VLDLR: variants seen among roughly 807,000 people sequenced by gnomAD.
VLDLR encodes the protein very low-density lipoprotein receptor.
A neutral mutation model predicts 112.7 loss-of-function variants in VLDLR; 81 were observed. The ratio of observed to expected loss-of-function variants is 0.72; its 90% confidence interval spans 0.60 to 0.86. The LOEUF is 0.86. Among genes scored for constraint, VLDLR ranks in the 40% least tolerant of loss-of-function variants. The probability of loss-of-function intolerance (pLI) is 0.00; values close to 1 mark genes in which losing one functional copy is unlikely to be tolerated. For missense variants in VLDLR, 1,237 were observed against 1,099.4 expected, an observed-to-expected ratio of 1.13 and a Z score of -1.77; for synonymous variants, 436 against 384.8, an observed-to-expected ratio of 1.13 and a Z score of -1.56.
intron 1 of VLDLR, among the ~76,000 whole-genome samples, chr9:2,623,143 C>T: frequency 6.6e-6 from 1 of 152,314 alleles, no homozygotes; most frequent in South Asian, 2.1e-4. Context: ...CTCAAAGGAG[C>T]AGCGCGAGAG....
chr9:2,640,345 T>C (rs936633463), intron 3 of VLDLR, among the ~76,000 whole-genome samples: 1 of 152,156 alleles, frequency 6.6e-6, no homozygotes, highest in African/African-American at 2.4e-5. Flanking sequence ...GGGTTCCCTA[T>C]GGGCCAAGCA....
At chr9:2,635,078 C>G (rs926286237) in intron 1 of VLDLR, among the ~76,000 whole-genome samples, 5 of 152,118 alleles carry the variant, frequency 3.3e-5, no homozygotes, top group African/African-American at 1.2e-4. Flanking sequence ...GATCACTATT[C>G]CAGCCACCAT....
intron 2 of VLDLR, 31 bp from the exon 3 acceptor site, chr9:2,639,828 C>G: frequency 6.2e-7 from 1 of 1,614,030 alleles, no homozygotes; most frequent in Non-Finnish European, 8.5e-7. Context: ...TAAATGACTT[C>G]AACTTTAACC....
chr9:2,651,648 T>C, intron 16 of VLDLR, 150 bp downstream of exon 16: 1 of 902,844 alleles, frequency 1.1e-6, no homozygotes, highest in Non-Finnish European at 1.7e-6. Flanking sequence ...AACTTGCATA[T>C]CTTTTCCTGA....
chr9:2,632,630 C>T (rs1228407696), intron 1 of VLDLR, among the ~76,000 whole-genome samples: 7 of 152,182 alleles, frequency 4.6e-5, no homozygotes, highest in African/African-American at 1.7e-4. Flanking sequence ...TTTCAGTTCT[C>T]CTAGAGCTCT....
In VLDLR at chr9:2,652,902, A is replaced by G. The variant is rs1405874445; in HGVS notation, c.2539A>G (p.Ile847Val). 1.4e-5 allele frequency: 23 copies of G among 1,614,012 alleles called. No homozygotes were observed. The South Asian group carries it at 1.9e-4, about 13-fold the overall frequency. ...YLKTTEEDLS[I>V]DIGRHSASVG... Reference sequence around the variant, plus strand: ...GAAAACCACTGAAGAGGACCTCTCCATAGACATTGGTAGACACAGTGCTTC... The same window carrying G: ...GAAAACCACTGAAGAGGACCTCTCCGTAGACATTGGTAGACACAGTGCTTC... The change falls in exon 18 of 19, where the codon ATA (isoleucine) becomes GTA (valine). Residue 847 changes from isoleucine to valine, a missense_variant. Transcript: ENST00000382100.
chr9:2,652,705 C>A, intron 17 of VLDLR, 75 bp from the exon 18 acceptor site: 1 of 1,584,794 alleles, frequency 6.3e-7, no homozygotes, highest in South Asian at 1.1e-5. Context: ...ATTATGGATT[C>A]CTGAACGTTA....
At chr9:2,625,918 C>T (rs1817069464) in intron 1 of VLDLR, among the ~76,000 whole-genome samples, 1 of 152,206 alleles carries the variant, frequency 6.6e-6, no homozygotes, top group Non-Finnish European at 1.5e-5. Flanking sequence ...TCTAACCTAG[C>T]TATAGGCGAA....
rs1423163350 is a variant in VLDLR, at chr9:2,657,945, C to T, written c.*4077C>T. The T allele has an allele frequency of 6.6e-6, 1 of 152,110 alleles. No homozygotes were observed. The highest frequency in any genetic ancestry group is 1.9e-4 in the East Asian group (1 of 5,194). 9.4% of individuals were successfully genotyped at this position (152,110 alleles called of 1,614,324 possible). On this transcript the variant is annotated 3_prime_UTR_variant, in exon 19 of 19. Transcript: ENST00000382100. ...CTTGGGAAAACTAAAAATTGTACAT[C>T]CATGCTTCAGCCATATCATGGGCCT... is the stretch of plus-strand genomic sequence containing the variant.
intron 1 of VLDLR, among the ~76,000 whole-genome samples, chr9:2,624,553 T>TA (rs1817001132): frequency 6.6e-6 from 1 of 152,220 alleles, no homozygotes; most frequent in African/African-American, 2.4e-5. Flanking sequence ...AGATCTGTGG[T>TA]ATGATATATT....
Position 2,654,070 on chromosome 9 carries a change from G to A in VLDLR, c.*202G>A, listed in dbSNP as rs1197984258. On this transcript the variant is annotated 3_prime_UTR_variant, in exon 19 of 19. Transcript: ENST00000382100. The stretch of plus-strand genomic sequence containing the variant: ...CTTGTCCACATTCTACTTCAGCTTT[G>A]GATGTGGTTACCGAGTATCTGTAAC... 1.7e-6 allele frequency: 1 copy of A among 583,532 alleles called. No homozygotes were observed. Among genetic ancestry groups the A allele is most frequent in the Admixed American group, 2.8e-5 (1 of 35,616 alleles). 36.1% of individuals were successfully genotyped at this position (583,532 alleles called of 1,614,324 possible). A position where few individuals can be genotyped will look rare whatever the true frequency, so the allele number is the denominator to read the frequency against.
chr9:2,641,425 C>G lies in VLDLR; in HGVS notation c.374C>G (p.Thr125Ser). 1 of 1,614,220 alleles carries G rather than the reference C, an allele frequency of 6.2e-7. No homozygotes were observed. The highest frequency in any genetic ancestry group is 8.5e-7 in the Non-Finnish European group (1 of 1,180,048). The part of the protein sequence containing the change: ...IHEISCGAHS[T>S]QCIPVSWRCD... ...GAAATCAGCTGTGGCGCCCATTCTA[C>G]TCAGTGTATCCCAGTGTCCTGGAGA... The change falls in exon 4 of 19, where the codon ACT (threonine) becomes AGT (serine). Residue 125 changes from threonine (T) to serine (S), a missense_variant. Thr to Ser is a moderately conservative substitution (Grantham distance 58). Coordinates refer to ENST00000382100, the MANE Select transcript of VLDLR (RefSeq NM_003383.5).
Position 2,653,980 on chromosome 9 carries a change from C to A in VLDLR, c.*112C>A, listed in dbSNP as rs554880815. On this transcript the variant is annotated 3_prime_UTR_variant, in exon 19 of 19. Transcript: ENST00000382100. ...TTCTTCCTCTCGGCTGGAAGAACAT[C>A]AAGATACCTTTGCGTGGATCAAGCT... 9.1e-7 allele frequency: 1 copy of A among 1,103,782 alleles called. No individual in the cohort carries two copies. Among genetic ancestry groups the A allele is most frequent in the Non-Finnish European group, 1.4e-6 (1 of 721,330 alleles). 68.4% of individuals were successfully genotyped at this position (1,103,782 alleles called of 1,614,324 possible). A position where few individuals can be genotyped will look rare whatever the true frequency, so the allele number is the denominator to read the frequency against.
intron 17 of VLDLR, among the ~76,000 whole-genome samples, chr9:2,652,489 G>A (rs1818396416): frequency 6.6e-6 from 1 of 152,142 alleles, no homozygotes; most frequent in African/African-American, 2.4e-5. Context: ...CACCTGAATA[G>A]CTCTCCAGAA....
At chr9:2,642,942 C>T (rs1481741849) in intron 4 of VLDLR, among the ~76,000 whole-genome samples, 1 of 152,170 alleles carries the variant, frequency 6.6e-6, no homozygotes, top group Non-Finnish European at 1.5e-5. Context: ...CAACTATTTT[C>T]TTGGTTCTTT....
Position 2,645,557 on chromosome 9 carries a change from A to C in VLDLR, c.1313-17A>C. The C allele has an allele frequency of 6.2e-7, 1 of 1,614,072 alleles. No homozygotes were observed. The highest frequency in any genetic ancestry group is 8.5e-7 in the Non-Finnish European group (1 of 1,179,996). On this transcript the variant is annotated splice_polypyrimidine_tract_variant and intron_variant, in intron 9 of 18. Transcript: ENST00000382100. The stretch of plus-strand genomic sequence containing the variant: ...TTCTTAAAGCAAAACTAAGTAACCC[A>C]GACTTCCATCTTGCAGGCAAAGAGC...
intron 17 of VLDLR, 95 bp from the exon 18 acceptor site, chr9:2,652,685 A>C: frequency 6.6e-7 from 1 of 1,521,222 alleles, no homozygotes; most frequent in Non-Finnish European, 9.1e-7. Context: ...CATTTTTACT[A>C]ATGTCAATTA....
In VLDLR at chr9:2,652,770, T is replaced by C. The variant is rs941567085; in HGVS notation, c.2417-10T>C. ...CTTAGCTCACTTAGCTACCCTCTGA[T>C]TTTTTTCAGTGCTCTTAGTGATGGC... On this transcript the variant is annotated splice_polypyrimidine_tract_variant and intron_variant, in intron 17 of 18. Coordinates refer to ENST00000382100, the MANE Select transcript of VLDLR (RefSeq NM_003383.5). The C allele has an allele frequency of 3.1e-6, 5 of 1,614,068 alleles. No individual in the cohort carries two copies. The highest frequency in any genetic ancestry group is 1.3e-5 in the African/African-American group (1 of 75,058).
intron 16 of VLDLR, 108 bp from the exon 17 acceptor site, chr9:2,651,766 T>C: frequency 1.7e-6 from 2 of 1,207,538 alleles, no homozygotes; most frequent in East Asian, 2.4e-5. Flanking sequence ...TTGTTGTAGA[T>C]ACTGAACATC....
Sources: allele counts gnomAD v4.1 joint callset (sites outside exome capture counted in the v4.1 genomes callset), GRCh38; gene constraint gnomAD v4.1.1; transcripts MANE v1.5; gene names NCBI Gene and HGNC (gene_info 2026-07-23, HGNC 2026-07-21).